MARCHF1: variants seen among roughly 807,000 people sequenced by gnomAD.
The protein encoded by MARCHF1 is E3 ubiquitin-protein ligase MARCHF1.
MARCHF1 carries 40 observed loss-of-function variants against 54.2 expected under a neutral mutation model. The ratio of observed to expected loss-of-function variants is 0.74; its 90% confidence interval spans 0.57 to 0.96. The LOEUF (loss-of-function observed/expected upper bound fraction) is 0.96, where lower values mean the gene tolerates loss of function less well. Among genes scored for constraint, MARCHF1 ranks in the 40% least tolerant of loss-of-function variants. MARCHF1 has a pLI of 0.00. For synonymous variants in MARCHF1, 236 were observed against 236.3 expected (o/e 1.00, Z 0.01); for missense variants, 586 against 656.5 (o/e 0.89, Z 1.17).
intron 1 of MARCHF1, among the ~76,000 whole-genome samples, chr4:164,200,480 A>G (rs762657019): frequency 1.3e-5 from 2 of 152,116 alleles, no homozygotes; most frequent in Non-Finnish European, 2.9e-5. Context: ...AACTGGTTCA[A>G]GTTTATTTAT....
At chr4:164,097,333 T>C (rs1486309862) in intron 2 of MARCHF1, among the ~76,000 whole-genome samples, 1 of 152,198 alleles carries the variant, frequency 6.6e-6, no homozygotes, top group Non-Finnish European at 1.5e-5. Context: ...CTAACTGAAA[T>C]TGATCATCTC....
chr4:164,027,726 C>A (rs192923827), intron 2 of MARCHF1, among the ~76,000 whole-genome samples: 436 of 152,092 alleles, frequency 2.9e-3, no homozygotes, highest in Non-Finnish European at 4.2e-3. Context: ...AAAGCAATGA[C>A]AACAAAAACA....
At chr4:163,939,767 G>A (rs1391639550) in intron 3 of MARCHF1, among the ~76,000 whole-genome samples, 2 of 152,058 alleles carry the variant, frequency 1.3e-5, no homozygotes, top group Admixed American at 1.3e-4. Flanking sequence ...TTGTGGTTGG[G>A]GTTTTAATTA....
chr4:163,927,731 T>G (rs1751566513), intron 3 of MARCHF1, among the ~76,000 whole-genome samples: 1 of 151,836 alleles, frequency 6.6e-6, no homozygotes, highest in African/African-American at 2.4e-5. Context: ...CTATGGACTC[T>G]TGGTAAAATG....
Position 164,049,615 on chromosome 4 carries a change from G to A in MARCHF1, c.-247-60906C>T, listed in dbSNP as rs569335132. Among the ~76,000 whole-genome samples, 4 of 151,722 alleles carry A rather than the reference G, an allele frequency of 2.6e-5. No homozygotes were observed. In the South Asian group the frequency reaches 8.3e-4, roughly 32 times the overall value. On this transcript the variant is annotated intron_variant, in intron 2 of 9. Transcript: ENST00000514618. ...TATGACACCCTGAAAACATACCCTT[G>A]GATACATATGTTTATCCTTTTTCTA...
chr4:163,996,947 C>A lies in MARCHF1; in HGVS notation c.-247-8238G>T, dbSNP rs1270852407. Among the ~76,000 whole-genome samples, 3 of 151,964 alleles carry A rather than the reference C, an allele frequency of 2.0e-5. No homozygotes were observed. The East Asian group carries it at 5.8e-4, about 29-fold the overall frequency. On this transcript the variant is annotated intron_variant, in intron 2 of 9. Coordinates refer to ENST00000514618, the MANE Select transcript of MARCHF1 (RefSeq NM_001394959.1). ...GGACTTCTAGCCTCCAGAACCATGA[C>A]AATATATTTCTATTGTTTAAGCCAT...
At chr4:164,005,766 A>G (rs1026670220) in intron 2 of MARCHF1, among the ~76,000 whole-genome samples, 3 of 152,198 alleles carry the variant, frequency 2.0e-5, no homozygotes, top group Admixed American at 6.5e-5. Flanking sequence ...ATGACAAATC[A>G]GAGTGGCTGT....
chr4:163,683,706 G>A (rs905061903), intron 5 of MARCHF1, among the ~76,000 whole-genome samples: 5 of 152,194 alleles, frequency 3.3e-5, no homozygotes, highest in African/African-American at 1.2e-4. Context: ...AAAGGTCCAT[G>A]CATGTGTTCG....
chr4:163,945,641 T>C (rs1752008848), intron 3 of MARCHF1, among the ~76,000 whole-genome samples: 1 of 152,230 alleles, frequency 6.6e-6, no homozygotes, highest in Non-Finnish European at 1.5e-5. Context: ...CTCAATATTT[T>C]GCATATGAAT....
At chr4:164,383,589 T>C (rs1054493064) in intron 1 of MARCHF1, 2 of 152,190 alleles carry the variant, frequency 1.3e-5, no homozygotes, top group Admixed American at 1.3e-4. Context: ...GGGCCAATAG[T>C]AGCAACTACC....
chr4:164,086,563 A>G (rs1755196294), intron 2 of MARCHF1, among the ~76,000 whole-genome samples: 1 of 151,976 alleles, frequency 6.6e-6, no homozygotes, highest in African/African-American at 2.4e-5. Flanking sequence ...TGTTCTACCC[A>G]TCTTCCATAT....
chr4:164,148,288 A>G (rs1729827893), intron 1 of MARCHF1, among the ~76,000 whole-genome samples: 1 of 152,184 alleles, frequency 6.6e-6, no homozygotes, highest in South Asian at 2.1e-4. Flanking sequence ...TTTCTTGAAT[A>G]CAATTCCAAA....
At chr4:164,077,467 T>A (rs890370096) in intron 2 of MARCHF1, among the ~76,000 whole-genome samples, 2 of 152,164 alleles carry the variant, frequency 1.3e-5, no homozygotes, top group Non-Finnish European at 2.9e-5. Context: ...GACATAGGCA[T>A]GGGCAAAGAC....
chr4:164,149,389 A>G (rs988528942), intron 1 of MARCHF1, among the ~76,000 whole-genome samples: 2 of 152,180 alleles, frequency 1.3e-5, no homozygotes, highest in African/African-American at 4.8e-5. Context: ...AATCCAACAG[A>G]TAACACTTCA....
At chr4:164,139,724 T>C (rs899106083) in intron 1 of MARCHF1, among the ~76,000 whole-genome samples, 1 of 152,138 alleles carries the variant, frequency 6.6e-6, no homozygotes, top group African/African-American at 2.4e-5. Context: ...GAAGATACTT[T>C]AAGCGGAATG....
intron 5 of MARCHF1, among the ~76,000 whole-genome samples, chr4:163,698,199 T>C (rs1744694490): frequency 6.6e-6 from 1 of 152,184 alleles, no homozygotes; most frequent in African/African-American, 2.4e-5. Flanking sequence ...GTTTTCAACA[T>C]AAGCAGTTAT....
chr4:163,938,055 G>A (rs962646139), intron 3 of MARCHF1, among the ~76,000 whole-genome samples: 2 of 152,156 alleles, frequency 1.3e-5, no homozygotes, highest in South Asian at 4.2e-4. Context: ...AAATTGCACT[G>A]GAATTAAGTT....
chr4:163,907,575 C>T (rs1751096672), intron 3 of MARCHF1, among the ~76,000 whole-genome samples: 2 of 152,040 alleles, frequency 1.3e-5, no homozygotes, highest in African/African-American at 4.8e-5. Flanking sequence ...GTTTTTACTT[C>T]AAAACTTTCT....
chr4:164,015,392 G>A, intron 2 of MARCHF1, among the ~76,000 whole-genome samples: 1 of 152,030 alleles, frequency 6.6e-6, no homozygotes, highest in Non-Finnish European at 1.5e-5. Flanking sequence ...ACATTGATGT[G>A]GGCAAACATT....
Sources: gnomAD v4.1 joint callset for allele counts (sites outside exome capture counted in the v4.1 genomes callset) on GRCh38, gnomAD v4.1.1 for gene constraint, MANE v1.5 for transcripts, NCBI Gene and HGNC (gene_info 2026-07-23, HGNC 2026-07-21) for gene names.